Variants in DERA observed in about 807,000 individuals in gnomAD.
DERA encodes 2-deoxy-D-ribose 5-phosphate aldolase.
In DERA, 15 loss-of-function variants were observed where a neutral mutation model predicts 41.1. The ratio of observed to expected loss-of-function variants is 0.37; its 90% CI spans 0.24 to 0.56. The LOEUF (loss-of-function observed/expected upper bound fraction) is 0.56. Ranked by LOEUF, DERA falls within the 20% of genes least tolerant of loss-of-function variation. The pLI, the probability that DERA is intolerant of heterozygous loss-of-function variation, is 0.81. For synonymous variants in DERA, 139 were observed against 137.4 expected (o/e 1.01, Z -0.08); for missense variants, 396 against 403.4 (o/e 0.98, Z 0.16).
Position 15,936,920 on chromosome 12 carries a change from C to T in DERA, c.32-20016C>T, listed in dbSNP as rs1394429555. Among the ~76,000 whole-genome samples, 2 of 142,468 alleles carry T rather than the reference C, an allele frequency of 1.4e-5. No individual in the cohort carries two copies. The highest frequency in any genetic ancestry group is 2.7e-5 in the African/African-American group (1 of 37,084). The allele number at this position is 142,468 out of a possible 152,430, so 93.5% of individuals were successfully genotyped here. The stretch of plus-strand genomic sequence containing the variant: ...CCTGTCCTGTCCTGTCCTGTCCTGT[C>T]CTGTCCTGTCCTGTCTTGTCCTGTC... On this transcript the variant is annotated intron_variant, in intron 1 of 8. Transcript: ENST00000428559. This position sits in a 1 kb window ranked among gnomAD's most constrained non-coding sequence, Gnocchi z 4.6.
rs1948369694 is a variant in DERA, at chr12:15,936,892, TGTCCTGTCC to T, written c.32-20043_32-20035del. 3.9e-5 allele frequency among the ~76,000 whole-genome samples: 5 copies of T among 126,672 alleles called. No homozygotes were observed. The highest frequency in any genetic ancestry group is 2.3e-4 in the South Asian group (1 of 4,292). The allele number at this position is 126,672 out of a possible 152,430, so 83.1% of individuals were successfully genotyped here. A position where few individuals can be genotyped will look rare whatever the true frequency, so the allele number is the denominator to read the frequency against. On this transcript the variant is annotated intron_variant, in intron 1 of 8. Coordinates refer to ENST00000428559, the MANE Select transcript of DERA (RefSeq NM_015954.4). The surrounding 1 kb of genome is among the most constrained non-coding windows in gnomAD (Gnocchi z 4.6). ...TGTCTTGTCTTGTCTTGTCTTGTCC[TGTCCTGTCC>T]TGTCCTGTCCTGTCCTGTCCTGTCC...
At chr12:15,968,691 A>T (rs765420781) in intron 5 of DERA, among the ~76,000 whole-genome samples, 1 of 152,216 alleles carries the variant, frequency 6.6e-6, no homozygotes, top group Non-Finnish European at 1.5e-5. Context: ...AGATAATGAC[A>T]TCTACTTCAC....
rs1272936908 is a variant in DERA at position 16,011,507 on chromosome 12, A to C, written c.638-21035A>C. Among the ~76,000 whole-genome samples, 1 of 152,196 alleles carries C rather than the reference A, an allele frequency of 6.6e-6. No homozygotes were observed. Among genetic ancestry groups the C allele is most frequent in the Non-Finnish European group, 1.5e-5 (1 of 68,036 alleles). ...CGATTTTGGAGCATTTCAGACGTTC[A>C]GATTTGGGATGCTCTACTTGTACCT... On this transcript the variant is annotated intron_variant, in intron 6 of 8. Coordinates refer to ENST00000428559, the MANE Select transcript of DERA (RefSeq NM_015954.4). The surrounding 1 kb of genome is among the most constrained non-coding windows in gnomAD (Gnocchi z 4.7).
chr12:15,979,437 T>G (rs1406170744), intron 5 of DERA, among the ~76,000 whole-genome samples: 1 of 152,236 alleles, frequency 6.6e-6, no homozygotes, highest in Non-Finnish European at 1.5e-5. Flanking sequence ...CATCTTTGCC[T>G]CACTCTTTAA....
At chr12:15,975,079 C>T (rs1452178991) in intron 5 of DERA, among the ~76,000 whole-genome samples, 1 of 152,194 alleles carries the variant, frequency 6.6e-6, no homozygotes, top group Non-Finnish European at 1.5e-5. Context: ...GCTGCCTACA[C>T]AGAGCTAGTT....
chr12:16,007,013 G>C (rs542217352), intron 6 of DERA, among the ~76,000 whole-genome samples: 1 of 152,256 alleles, frequency 6.6e-6, no homozygotes, highest in East Asian at 1.9e-4. Flanking sequence ...CAAGCTCTTA[G>C]AACAGTACCT....
In DERA at chr12:15,993,495, T is replaced by A. The variant is rs201563490; in HGVS notation, c.637+11059T>A. ...GTGTTGTGGCCTTTTTTTTTTTTTT[T>A]AAAAAAAATAAGATCTTGCCTTTCA... is the stretch of plus-strand genomic sequence containing the variant. On this transcript the variant is annotated intron_variant, in intron 6 of 8. Transcript: ENST00000428559. The surrounding 1 kb of genome is among the most constrained non-coding windows in gnomAD (Gnocchi z 4.4). 0.11 allele frequency among the ~76,000 whole-genome samples: 15,918 copies of A among 149,320 alleles called. 1,382 individuals carry two copies. Among genetic ancestry groups the A allele is most frequent in the African/African-American group, 0.24 (9,809 of 40,494 alleles).
Position 16,020,345 on chromosome 12 carries a change from C to T in DERA, c.638-12197C>T, listed in dbSNP as rs768012139. 1.2e-4 allele frequency among the ~76,000 whole-genome samples: 18 copies of T among 152,060 alleles called. No homozygotes were observed. Among genetic ancestry groups the T allele is most frequent in the African/African-American group, 2.4e-4 (10 of 41,398 alleles). The stretch of plus-strand genomic sequence containing the variant: ...CAGATCTCATATTAACTCACTATTG[C>T]GAGAACAGCACGAAAGGGGAAATCT... On this transcript the variant is annotated intron_variant, in intron 6 of 8. Coordinates refer to ENST00000428559, the MANE Select transcript of DERA (RefSeq NM_015954.4). The surrounding 1 kb of genome is among the most constrained non-coding windows in gnomAD (Gnocchi z 5.5).
chr12:16,015,319 G>C (rs558411529), intron 6 of DERA, among the ~76,000 whole-genome samples: 2 of 152,288 alleles, frequency 1.3e-5, no homozygotes, highest in Admixed American at 1.3e-4. Flanking sequence ...TGTCAAGGAA[G>C]AGACCAGGTG....
At chr12:16,002,923 A>G (rs1460732182) in intron 6 of DERA, among the ~76,000 whole-genome samples, 4 of 152,158 alleles carry the variant, frequency 2.6e-5, no homozygotes, top group African/African-American at 9.7e-5. Flanking sequence ...TTTTGGATTC[A>G]TTCTGAAATA....
chr12:15,911,460 C>A lies in DERA; in HGVS notation c.31+46C>A. 1 of 1,406,366 alleles carries A rather than the reference C, an allele frequency of 7.1e-7. No homozygotes were observed. Among genetic ancestry groups the A allele is most frequent in the Non-Finnish European group, 9.2e-7 (1 of 1,084,338 alleles). The allele number at this position is 1,406,366 out of a possible 1,614,324, so 87.1% of individuals were successfully genotyped here. A position where few individuals can be genotyped will look rare whatever the true frequency, so the allele number is the denominator to read the frequency against. ...CCCATCCCCTCTCCCTCGCGTTCAG[C>A]GCCGCCGGGACTAGCGCGGGGCCTG... is the stretch of plus-strand genomic sequence containing the variant. On this transcript the variant is annotated intron_variant, in intron 1 of 8. Coordinates refer to ENST00000428559, the MANE Select transcript of DERA (RefSeq NM_015954.4). The surrounding 1 kb of genome is among the most constrained non-coding windows in gnomAD (Gnocchi z 4.5).
chr12:15,982,268 T>C lies in DERA; in HGVS notation c.509-40T>C, dbSNP rs1369873363. 6 of 1,593,442 alleles carry C rather than the reference T, an allele frequency of 3.8e-6. No homozygotes were observed. The highest frequency in any genetic ancestry group is 5.1e-6 in the Non-Finnish European group (6 of 1,172,036). ...AACGGCTGCCAAGTTATGTTATCAC[T>C]TGCCTGCTTTGTAACTGCCTCAATT... is the stretch of plus-strand genomic sequence containing the variant. On this transcript the variant is annotated intron_variant, in intron 5 of 8. Transcript: ENST00000428559. This position sits in a 1 kb window ranked among gnomAD's most constrained non-coding sequence, Gnocchi z 4.0.
At position 15,940,886 on chromosome 12, in the gene DERA, T is replaced by C. The variant is rs1948403841; in HGVS notation, c.32-16050T>C. On this transcript the variant is annotated intron_variant, in intron 1 of 8. Coordinates refer to ENST00000428559, the MANE Select transcript of DERA (RefSeq NM_015954.4). The surrounding 1 kb of genome is among the most constrained non-coding windows in gnomAD (Gnocchi z 5.1). The stretch of plus-strand genomic sequence containing the variant: ...GTCATCCTGGAGTCTGATATATAAA[T>C]AGATAGATAGATAGATATCTTTGGT... 6.6e-6 allele frequency among the ~76,000 whole-genome samples: 1 copy of C among 152,162 alleles called. No homozygotes were observed. Among genetic ancestry groups the C allele is most frequent in the African/African-American group, 2.4e-5 (1 of 41,434 alleles).
In DERA at chr12:16,035,206, T is replaced by C. The variant is rs1949119384; in HGVS notation, c.751-1026T>C. Among the ~76,000 whole-genome samples, 1 of 152,162 alleles carries C rather than the reference T, an allele frequency of 6.6e-6. No individual in the cohort carries two copies. Among genetic ancestry groups the C allele is most frequent in the Non-Finnish European group, 1.5e-5 (1 of 68,018 alleles). ...GGACTTAAATATTGATTGGGTGTGG[T>C]GTGGCCAGGGAATGGTGGAGTTTGG... On this transcript the variant is annotated intron_variant, in intron 7 of 8. Transcript: ENST00000428559. This position sits in a 1 kb window ranked among gnomAD's most constrained non-coding sequence, Gnocchi z 4.1.
At chr12:15,974,658 G>A (rs1948685483) in intron 5 of DERA, among the ~76,000 whole-genome samples, 2 of 152,140 alleles carry the variant, frequency 1.3e-5, no homozygotes, top group Non-Finnish European at 2.9e-5. Flanking sequence ...ATTTTAATAA[G>A]TAATTAATAT....
intron 1 of DERA, among the ~76,000 whole-genome samples, chr12:15,952,020 G>T (rs538465627): frequency 9.9e-5 from 15 of 151,880 alleles, no homozygotes; most frequent in Non-Finnish European, 1.9e-4. Context: ...TTCTGCCTCA[G>T]TCCCCTGACT....
rs1948951452 is a variant in DERA, at chr12:16,012,249, T to C, written c.638-20293T>C. ...AGTCATGAGTTTATAAGTGTAGTTT[T>C]AGAGTTACTCCTGTGTATTTGAAAA... On this transcript the variant is annotated intron_variant, in intron 6 of 8. Coordinates refer to ENST00000428559, the MANE Select transcript of DERA (RefSeq NM_015954.4). This position sits in a 1 kb window ranked among gnomAD's most constrained non-coding sequence, Gnocchi z 4.1. 6.6e-6 allele frequency among the ~76,000 whole-genome samples: 1 copy of C among 152,186 alleles called. No homozygotes were observed. Among genetic ancestry groups the C allele is most frequent in the Non-Finnish European group, 1.5e-5 (1 of 68,030 alleles).
chr12:15,996,157 A>ATGTGTG lies in DERA; in HGVS notation c.637+13751_637+13756dup, dbSNP rs34468299. On this transcript the variant is annotated intron_variant, in intron 6 of 8. Coordinates refer to ENST00000428559, the MANE Select transcript of DERA (RefSeq NM_015954.4). The surrounding 1 kb of genome is among the most constrained non-coding windows in gnomAD (Gnocchi z 4.7). ...GCAGACACAGACACACACACAGAGC[A>ATGTGTG]TGTGTGTGTGTGTGTGTGTGTGTGT... Among the ~76,000 whole-genome samples, 1,120 of 145,132 alleles carry ATGTGTG rather than the reference A, an allele frequency of 7.7e-3. 3 individuals are homozygous for ATGTGTG. Among genetic ancestry groups the ATGTGTG allele is most frequent in the Non-Finnish European group, 0.012 (779 of 65,586 alleles).
chr12:15,980,453 T>G (rs1948725181), intron 5 of DERA, among the ~76,000 whole-genome samples: 1 of 152,262 alleles, frequency 6.6e-6, no homozygotes, highest in African/African-American at 2.4e-5. Context: ...TCACTTGTTC[T>G]TAGAAAACAA....
Sources: gnomAD v4.1 joint callset for allele counts (sites outside exome capture counted in the v4.1 genomes callset) on GRCh38, gnomAD v4.1.1 for gene constraint, Gnocchi (gnomAD v3.1) non-coding constraint, MANE v1.5 for transcripts, NCBI Gene and HGNC (gene_info 2026-07-23, HGNC 2026-07-21) for gene names.